Variants in HDAC9 observed in about 807,000 individuals in gnomAD.
HDAC9 encodes the protein MEF-2 interacting transcription repressor (MITR) protein.
HDAC9 carries 41 observed loss-of-function variants against 139.4 expected under a neutral mutation model. The ratio of observed to expected loss-of-function variants is 0.29; its 90% CI spans 0.23 to 0.38. The LOEUF (loss-of-function observed/expected upper bound fraction) is 0.38, where lower values mean the gene tolerates loss of function less well. Among genes scored for constraint, HDAC9 ranks in the 10% least tolerant of loss-of-function variants. HDAC9 has a pLI of 1.00. For synonymous variants in HDAC9, 517 were observed against 476.2 expected (o/e 1.09, Z -1.12); for missense variants, 1,147 against 1,297.0 (o/e 0.88, Z 1.78).
At chr7:18,903,688 A>C (rs1434534253) in intron 22 of HDAC9, among the ~76,000 whole-genome samples, 1 of 152,156 alleles carries the variant, frequency 6.6e-6, no homozygotes, top group Admixed American at 6.5e-5. Context: ...TTTCTGACAA[A>C]CATTCTCATT....
intron 1 of HDAC9, among the ~76,000 whole-genome samples, chr7:18,135,375 A>T (rs901141820): frequency 1.3e-4 from 18 of 143,464 alleles, no homozygotes; most frequent in Admixed American, 1.4e-4. Flanking sequence ...ATATGTATAC[A>T]TGTGCCATGC....
chr7:18,900,603 G>T (rs935365094), intron 22 of HDAC9, among the ~76,000 whole-genome samples: 9 of 152,138 alleles, frequency 5.9e-5, no homozygotes, highest in Non-Finnish European at 1.3e-4. Context: ...TCATAGTCCG[G>T]ACAAGATCCC....
At chr7:18,749,341 G>T (rs951046164) in intron 14 of HDAC9, among the ~76,000 whole-genome samples, 3 of 152,188 alleles carry the variant, frequency 2.0e-5, no homozygotes, top group African/African-American at 7.2e-5. Flanking sequence ...GTGTTGATGA[G>T]CTGAGCAGCT....
intron 12 of HDAC9, among the ~76,000 whole-genome samples, chr7:18,718,389 G>A (rs1784871817): frequency 6.6e-6 from 1 of 151,924 alleles, no homozygotes; most frequent in Non-Finnish European, 1.5e-5. Flanking sequence ...ACGGTGCCAC[G>A]CCTCGCTAAT....
At chr7:18,733,698 C>CAT (rs1786613038) in intron 13 of HDAC9, among the ~76,000 whole-genome samples, 1 of 151,732 alleles carries the variant, frequency 6.6e-6, no homozygotes, top group Non-Finnish European at 1.5e-5. Context: ...CATACACACA[C>CAT]ATATATATTT....
At chr7:18,874,638 A>G (rs1340296712) in intron 22 of HDAC9, 42 bp downstream of exon 22, 1 of 1,154,342 alleles carries the variant, frequency 8.7e-7, no homozygotes, top group Non-Finnish European at 1.3e-6. Context: ...CTCTGATATC[A>G]TACCATCTTT....
chr7:18,257,700 C>G (rs947293815), intron 2 of HDAC9, among the ~76,000 whole-genome samples: 3 of 152,286 alleles, frequency 2.0e-5, no homozygotes, highest in East Asian at 1.9e-4. Flanking sequence ...TGTAGGTTCT[C>G]TGAGAGAAGC....
intron 2 of HDAC9, among the ~76,000 whole-genome samples, chr7:18,258,676 A>T (rs966253559): frequency 4.6e-5 from 7 of 152,218 alleles, no homozygotes; most frequent in African/African-American, 1.7e-4. Context: ...TATGTTACAA[A>T]GTTAAGAATT....
At chr7:18,443,318 G>A (rs1263829353) in intron 1 of HDAC9, among the ~76,000 whole-genome samples, 3 of 152,134 alleles carry the variant, frequency 2.0e-5, no homozygotes, top group Non-Finnish European at 4.4e-5. Context: ...GTGATTAAAT[G>A]TAACTGTATT....
chr7:18,112,144 A>G (rs1783658100), intron 1 of HDAC9, among the ~76,000 whole-genome samples: 1 of 152,182 alleles, frequency 6.6e-6, no homozygotes, highest in Non-Finnish European at 1.5e-5. Context: ...ATTTATGTCT[A>G]TTATTTTCCT....
At chr7:18,946,040 A>AT (rs1481324043) in intron 23 of HDAC9, among the ~76,000 whole-genome samples, 11 of 27,790 alleles carry the variant, frequency 4.0e-4, no homozygotes, top group South Asian at 2.7e-3. Flanking sequence ...CCGTCTCAAA[A>AT]AAAAAAAAAA....
At chr7:18,264,083 A>G (rs1325151675) in intron 2 of HDAC9, among the ~76,000 whole-genome samples, 1 of 152,232 alleles carries the variant, frequency 6.6e-6, no homozygotes, top group Non-Finnish European at 1.5e-5. Context: ...AGAAATAGAA[A>G]ATTTAACAAT....
At chr7:18,916,450 A>C (rs1803217078) in intron 22 of HDAC9, among the ~76,000 whole-genome samples, 1 of 152,006 alleles carries the variant, frequency 6.6e-6, no homozygotes, top group African/African-American at 2.4e-5. Flanking sequence ...GTGGTGTAAA[A>C]TTTTGATGAA....
intron 2 of HDAC9, among the ~76,000 whole-genome samples, chr7:18,186,977 A>G (rs1220796123): frequency 6.6e-6 from 1 of 152,204 alleles, no homozygotes; most frequent in Admixed American, 6.5e-5. Flanking sequence ...TTACTTCCCC[A>G]AAGTGTTCAA....
intron 15 of HDAC9, among the ~76,000 whole-genome samples, chr7:18,765,585 A>G (rs924286811): frequency 2.6e-5 from 4 of 152,206 alleles, no homozygotes; most frequent in South Asian, 2.1e-4. Context: ...AGCCTAAGCA[A>G]CAGAGTGAGA....
chr7:18,219,264 A>C (rs1185492718), intron 2 of HDAC9, among the ~76,000 whole-genome samples: 1 of 152,136 alleles, frequency 6.6e-6, no homozygotes, highest in East Asian at 1.9e-4. Flanking sequence ...TCTCTTTAAA[A>C]AAATTATAGT....
At chr7:18,553,840 A>G (rs1313287177) in intron 2 of HDAC9, among the ~76,000 whole-genome samples, 3 of 152,206 alleles carry the variant, frequency 2.0e-5, no homozygotes, top group African/African-American at 4.8e-5. Flanking sequence ...TAAATAGTGG[A>G]GTAAATTAGA....
At chr7:18,901,014 C>T (rs1801653183) in intron 22 of HDAC9, among the ~76,000 whole-genome samples, 1 of 151,918 alleles carries the variant, frequency 6.6e-6, no homozygotes, top group Non-Finnish European at 1.5e-5. Flanking sequence ...AGGAAATATT[C>T]CCACTGGCAC....
At chr7:18,829,651 A>T (rs1661233690) in intron 19 of HDAC9, 103 bp downstream of exon 19, 1 of 697,178 alleles carries the variant, frequency 1.4e-6, no homozygotes, top group Non-Finnish European at 2.5e-6. Flanking sequence ...CTTGCAAACA[A>T]CTGAAGGGTG....
Sources: allele counts gnomAD v4.1 joint callset (sites outside exome capture counted in the v4.1 genomes callset), GRCh38; gene constraint gnomAD v4.1.1; transcripts MANE v1.5; gene names NCBI Gene and HGNC (gene_info 2026-07-23, HGNC 2026-07-21).